The following PAX9 variants were observed in gnomAD, a reference collection of about 807,000 sequenced individuals.
PAX9 encodes paired box protein Pax-9.
PAX9 carries 6 observed loss-of-function variants against 29.1 expected under a neutral mutation model. The observed-to-expected ratio is 0.21, with a 90% CI of 0.11 to 0.41. The LOEUF is 0.41. PAX9 is among the 10% of genes least tolerant of loss of function. PAX9 has a pLI of 1.00. For synonymous variants in PAX9, 217 were observed against 211.7 expected (o/e 1.03, Z -0.22); for missense variants, 443 against 479.1 (o/e 0.92, Z 0.70).
intron 3 of PAX9, among the ~76,000 whole-genome samples, chr14:36,670,298 T>C (rs985318974): frequency 6.6e-6 from 1 of 152,022 alleles, no homozygotes; most frequent in African/African-American, 2.4e-5. Context: ...AGCTACAGAC[T>C]GAGATGTCAG....
chr14:36,660,414 G>A (rs143647587), upstream of PAX9, among the ~76,000 whole-genome samples: 292 of 152,360 alleles, frequency 1.9e-3, 1 homozygote, highest in African/African-American at 6.7e-3. Flanking sequence ...AAAGAGTGGT[G>A]TTTTAGTTCA....
At chr14:36,663,814 C>T (rs976520315) in intron 2 of PAX9, among the ~76,000 whole-genome samples, 7 of 152,230 alleles carry the variant, frequency 4.6e-5, no homozygotes, top group African/African-American at 1.4e-4. Context: ...CCGCCTCTCG[C>T]GCCGAGGCAG....
intron 2 of PAX9, among the ~76,000 whole-genome samples, chr14:36,664,962 C>T (rs1881431101): frequency 6.6e-6 from 1 of 151,984 alleles, no homozygotes; most frequent in East Asian, 1.9e-4. Context: ...AAGGAAGCCC[C>T]TGTTCATGGG....
chr14:36,657,617 C>T (rs1443318313), upstream of PAX9: 4 of 152,180 alleles, frequency 2.6e-5, no homozygotes, highest in Admixed American at 2.0e-4. Flanking sequence ...GCTCGCAGCC[C>T]GTGGGGCTGA....
rs766239217 is a variant in PAX9, at chr14:36,666,475, C to T, written c.645C>T (p.Ser215=). Residue 215 remains serine, a synonymous_variant, in exon 3 of 4, where the codon TCC becomes TCT. Transcript: ENST00000361487. ...TCTCTCCATCAGTGAGCGACAGCTC[C>T]CCCTACCACAGCCCCAAGGTGGAGG... The part of the protein sequence containing the change: ...RSITDQVSDS[S]PYHSPKVEEW... The T allele has an allele frequency of 6.2e-7, 1 of 1,611,076 alleles. No homozygotes were observed. Among genetic ancestry groups the T allele is most frequent in the Non-Finnish European group, 8.5e-7 (1 of 1,178,998 alleles).
chr14:36,660,788 C>T (rs2073246), upstream of PAX9, among the ~76,000 whole-genome samples: 48,125 of 152,166 alleles, frequency 0.32, 8,117 homozygotes, highest in East Asian at 0.45. Context: ...CTCCACAACC[C>T]TAACTGCAAA....
At chr14:36,658,737 C>T (rs1881138028), upstream of PAX9, 1 of 152,276 alleles carries the variant, frequency 6.6e-6, no homozygotes, top group Non-Finnish European at 1.5e-5. Flanking sequence ...GGGGGCGCCG[C>T]AGGTGACTGC....
rs919301749 is a variant in PAX9, at chr14:36,678,674, G to T, written c.*2222G>T. 5.6e-6 allele frequency: 7 copies of T among 1,255,680 alleles called. No individual in the cohort carries two copies. In the Admixed American group the frequency reaches 1.9e-4, roughly 34 times the overall value. 77.8% of individuals were successfully genotyped at this position (1,255,680 alleles called of 1,614,324 possible). On this transcript the variant is annotated 3_prime_UTR_variant, in exon 4 of 4. Coordinates refer to ENST00000361487, the MANE Select transcript of PAX9 (RefSeq NM_001372076.1). The stretch of plus-strand genomic sequence containing the variant: ...GGGCTTTAAAAAATATTACTTGCTT[G>T]TGTGGAAATGCAAATAATGTTATTT...
In PAX9 at chr14:36,663,392, C is replaced by T; in HGVS notation, c.500C>T (p.Thr167Met). 3 of 1,613,372 alleles carry T rather than the reference C, an allele frequency of 1.9e-6. No homozygotes were observed. Among genetic ancestry groups the T allele is most frequent in the Non-Finnish European group, 2.5e-6 (3 of 1,179,866 alleles). ...ATCTACTCGTACCCCAGCCCTATCA[C>T]GGCGGCGGCCGCCAAGGTGCCCACG... ...NHIYSYPSPI[T>M]AAAAKVPTPP... The change falls in exon 2 of 4, where the codon ACG becomes ATG. Residue 167 changes from threonine to methionine, a missense_variant. Physicochemically the swap from Thr to Met is moderately conservative, Grantham distance 81 (BLOSUM62 -1). Around this residue, in one of 2 missense-constraint regions of PAX9, gnomAD observed 336 missense variants for 317.2 expected, o/e 1.06. Transcript: ENST00000361487.
At chr14:36,667,566 A>G (rs1881553250) in intron 3 of PAX9, among the ~76,000 whole-genome samples, 1 of 152,198 alleles carries the variant, frequency 6.6e-6, no homozygotes, top group Non-Finnish European at 1.5e-5. Context: ...TAAAATTTTT[A>G]ATGCTTTTTT....
In PAX9 at chr14:36,663,322, A is replaced by G. The variant is rs1881356734; in HGVS notation, c.430A>G (p.Lys144Glu). ...LAQQGHYDSYKQHQPTPQPAL... is the reference protein window; with the variant it reads ...LAQQGHYDSYEQHQPTPQPAL... ...CCAGCAGGGTCATTACGACTCATAC[A>G]AGCAGCACCAGCCGACGCCGCAGCC... The change falls in exon 2 of 4, where the codon AAG becomes GAG. Residue 144 changes from lysine to glutamate, a missense_variant. By Grantham distance (56) the Lys-to-Glu change is moderately conservative. This residue lies in a region of PAX9 where 336 missense variants were observed against 317.2 expected (regional missense o/e 1.06). Transcript: ENST00000361487. The G allele has an allele frequency of 6.2e-7, 1 of 1,613,980 alleles. No homozygotes were observed. Among genetic ancestry groups the G allele is most frequent in the Admixed American group, 1.7e-5 (1 of 60,012 alleles).
At chr14:36,672,703 A>G (rs918536625) in intron 3 of PAX9, among the ~76,000 whole-genome samples, 1 of 2,768 alleles carries the variant, frequency 3.6e-4, no homozygotes, top group Non-Finnish European at 7.6e-4. Context: ...AACTCTCCAG[A>G]CCCCCAAGCT....
intron 3 of PAX9, among the ~76,000 whole-genome samples, chr14:36,672,829 C>T (rs368192973): frequency 8.1e-4 from 22 of 27,268 alleles, no homozygotes; most frequent in South Asian, 1.4e-3. Flanking sequence ...TTGCCTTTTT[C>T]TTTTTTCTTT....
chr14:36,663,106 G>C lies in PAX9; in HGVS notation c.214G>C (p.Gly72Arg). The change falls in exon 2 of 4, where the codon GGG becomes CGG. Residue 72 changes from glycine to arginine, a missense_variant. Around this residue, in one of 2 missense-constraint regions of PAX9, gnomAD observed 107 missense variants for 161.9 expected, o/e 0.66. Transcript: ENST00000361487. Reference sequence around the variant, plus strand: ...GGGCTCGATCTTGCCAGGAGCCATCGGGGGCAGCAAGCCCCGGGTCACTAC... The same window carrying C: ...GGGCTCGATCTTGCCAGGAGCCATCCGGGGCAGCAAGCCCCGGGTCACTAC... ...ETGSILPGAI[G>R]GSKPRVTTPT... 6.2e-7 allele frequency: 1 copy of C among 1,613,904 alleles called. No individual in the cohort carries two copies. The highest frequency in any genetic ancestry group is 8.5e-7 in the Non-Finnish European group (1 of 1,180,024).
chr14:36,669,363 C>T (rs1881625368), intron 3 of PAX9, among the ~76,000 whole-genome samples: 1 of 152,104 alleles, frequency 6.6e-6, no homozygotes, highest in Non-Finnish European at 1.5e-5. Flanking sequence ...CATATTTCAA[C>T]CAAAATGTAA....
intron 3 of PAX9, among the ~76,000 whole-genome samples, chr14:36,670,805 G>A (rs576904749): frequency 1.3e-5 from 2 of 151,984 alleles, no homozygotes; most frequent in Non-Finnish European, 2.9e-5. Flanking sequence ...ATAATATTTT[G>A]GAAAATTATA....
upstream of PAX9, among the ~76,000 whole-genome samples, chr14:36,658,138 GGGGACATAGCAGA>G (rs1350171903): frequency 6.6e-6 from 1 of 152,168 alleles, no homozygotes; most frequent in Non-Finnish European, 1.5e-5. Flanking sequence ...CCTGCAAGAC[GGGGACATAGCAGA>G]GGGCCGAGTT....
upstream of PAX9, among the ~76,000 whole-genome samples, chr14:36,658,066 G>A (rs1313394345): frequency 2.6e-5 from 4 of 152,114 alleles, no homozygotes; most frequent in African/African-American, 9.7e-5. Context: ...CCCTGGGCGC[G>A]GGGCGAGCTT....
chr14:36,658,380 G>T (rs559991271), upstream of PAX9, among the ~76,000 whole-genome samples: 15 of 152,022 alleles, frequency 9.9e-5, no homozygotes, highest in East Asian at 2.1e-3. Flanking sequence ...GCTTGGGGGG[G>T]GGGGGTCCTG....
Sources: allele counts gnomAD v4.1 joint callset (sites outside exome capture counted in the v4.1 genomes callset), GRCh38; gene constraint gnomAD v4.1.1; regional missense constraint gnomAD v4.1.1; transcripts MANE v1.5; gene names NCBI Gene and HGNC (gene_info 2026-07-23, HGNC 2026-07-21).